The following NCR3LG1 variants were observed in gnomAD, a reference collection of about 807,000 sequenced individuals.
The protein encoded by NCR3LG1 is natural killer cell cytotoxicity receptor 3 ligand 1.
NCR3LG1 carries 35 observed loss-of-function variants against 34.8 expected under a neutral mutation model. The observed-to-expected ratio is 1.01, with a 90% CI of 0.77 to 1.33. The LOEUF (loss-of-function observed/expected upper bound fraction) is 1.33. Ranked by LOEUF, NCR3LG1 falls within the 40% of genes most tolerant of loss-of-function variation. The probability of loss-of-function intolerance (pLI) is 0.00; values close to 1 mark genes in which losing one functional copy is unlikely to be tolerated. For missense variants in NCR3LG1, 452 were observed against 423.3 expected (o/e 1.07, Z -0.60); for synonymous variants, 173 against 163.6 (o/e 1.06, Z -0.44).
chr11:17,358,531 C>A (rs967501475), intron 2 of NCR3LG1, among the ~76,000 whole-genome samples: 1 of 152,122 alleles, frequency 6.6e-6, no homozygotes, highest in African/African-American at 2.4e-5. Context: ...TGACCTTGAC[C>A]ATCTAGTTGA....
Position 17,356,742 on chromosome 11 carries a change from A to G in NCR3LG1, c.162A>G (p.Gln54=), listed in dbSNP as rs937098124. ...VTIFCNIFYS[Q]PLNITSMGIT... is the part of the protein sequence containing the mutation. ...TATTCTGCAATATCTTTTATTCCCAACCCCTCAACATCACGTCTATGGGTA... is the reference window on the plus strand; with the variant it reads ...TATTCTGCAATATCTTTTATTCCCAGCCCCTCAACATCACGTCTATGGGTA... Residue 54 remains glutamine (Q), a synonymous_variant, in exon 2 of 5, where the codon CAA becomes CAG. Coordinates refer to ENST00000338965, the MANE Select transcript of NCR3LG1 (RefSeq NM_001202439.3). 7 of 1,536,358 alleles carry G rather than the reference A, an allele frequency of 4.6e-6. No individual in the cohort carries two copies. The South Asian group carries it at 5.9e-5, about 13-fold the overall frequency.
downstream of NCR3LG1, among the ~76,000 whole-genome samples, chr11:17,378,549 G>A (rs933752632): frequency 6.6e-6 from 1 of 152,088 alleles, no homozygotes; most frequent in African/African-American, 2.4e-5. Flanking sequence ...CATTCTTCTG[G>A]GGACCCTTAG....
chr11:17,378,135 A>G (rs937641259), downstream of NCR3LG1, among the ~76,000 whole-genome samples: 1 of 152,176 alleles, frequency 6.6e-6, no homozygotes, highest in African/African-American at 2.4e-5. Flanking sequence ...AACAATTCAT[A>G]AACTCTTTAG....
chr11:17,364,000 T>C (rs1306277063), intron 2 of NCR3LG1, among the ~76,000 whole-genome samples: 2 of 152,182 alleles, frequency 1.3e-5, no homozygotes, highest in Non-Finnish European at 2.9e-5. Context: ...GGTCTTTAGT[T>C]TGGTGTCTAT....
intron 1 of NCR3LG1, among the ~76,000 whole-genome samples, chr11:17,352,871 G>A (rs1953155013): frequency 6.6e-6 from 1 of 151,946 alleles, no homozygotes. Context: ...AGGCTGAAAC[G>A]CGTATGTAGA....
In NCR3LG1 at chr11:17,362,737, TTTCTTTCTTTCTTTC is replaced by T. The variant is rs1564856477; in HGVS notation, c.422-4269_422-4255del. ...CTTTCTTTCTTTCTTTCTTTCTTTC[TTTCTTTCTTTCTTTC>T]TTTCTTTCTTTCTTTCCTTCCTTCC... On this transcript the variant is annotated intron_variant, in intron 2 of 4. Coordinates refer to ENST00000338965, the MANE Select transcript of NCR3LG1 (RefSeq NM_001202439.3). Among the ~76,000 whole-genome samples, 507 of 91,498 alleles carry T rather than the reference TTTCTTTCTTTCTTTC, an allele frequency of 5.5e-3. 40 individuals carry two copies. Among genetic ancestry groups the T allele is most frequent in the African/African-American group, 0.031 (481 of 15,502 alleles). The allele number at this position is 91,498 out of a possible 152,430, so 60.0% of individuals were successfully genotyped here.
chr11:17,377,563 A>G (rs1459584169), downstream of NCR3LG1, among the ~76,000 whole-genome samples: 3 of 152,214 alleles, frequency 2.0e-5, no homozygotes, highest in East Asian at 5.8e-4. Flanking sequence ...TCCAAATGGC[A>G]TCGTGAGTGA....
At chr11:17,352,654 G>C (rs948955282) in intron 1 of NCR3LG1, among the ~76,000 whole-genome samples, 13 of 152,176 alleles carry the variant, frequency 8.5e-5, no homozygotes, top group Non-Finnish European at 1.8e-4. Flanking sequence ...CATCCGAGGG[G>C]CCGGAGGAGA....
chr11:17,354,704 A>G (rs541633564), intron 1 of NCR3LG1, among the ~76,000 whole-genome samples: 3 of 152,070 alleles, frequency 2.0e-5, no homozygotes, highest in East Asian at 1.9e-4. Flanking sequence ...AGTTGACCCT[A>G]TCTTCATTTT....
chr11:17,370,441 A>T (rs1953393904), intron 4 of NCR3LG1, among the ~76,000 whole-genome samples: 1 of 152,130 alleles, frequency 6.6e-6, no homozygotes, highest in Non-Finnish European at 1.5e-5. Flanking sequence ...CTTTACTTTC[A>T]TTTCAGAGGC....
At chr11:17,354,973 G>A (rs1953188530) in intron 1 of NCR3LG1, among the ~76,000 whole-genome samples, 1 of 152,160 alleles carries the variant, frequency 6.6e-6, no homozygotes, top group South Asian at 2.1e-4. Context: ...GCTCTGCATT[G>A]TTAGTAATGA....
At chr11:17,380,382 C>A (rs1050641270), downstream of NCR3LG1, among the ~76,000 whole-genome samples, 1 of 152,190 alleles carries the variant, frequency 6.6e-6, no homozygotes, top group Non-Finnish European at 1.5e-5. Context: ...ATACCATCCT[C>A]TCCAGGGTTG....
At chr11:17,378,156 T>C (rs920335154), downstream of NCR3LG1, among the ~76,000 whole-genome samples, 1 of 152,154 alleles carries the variant, frequency 6.6e-6, no homozygotes, top group Non-Finnish European at 1.5e-5. Context: ...CCTCAGTAGT[T>C]ATGCAAAATA....
intron 4 of NCR3LG1, among the ~76,000 whole-genome samples, chr11:17,371,771 C>G (rs1227934249): frequency 3.3e-5 from 5 of 152,196 alleles, no homozygotes; most frequent in Non-Finnish European, 7.3e-5. Flanking sequence ...GTCTAGGAAA[C>G]CAGCAGGGCA....
chr11:17,380,833 G>A (rs775261344), downstream of NCR3LG1: 3 of 152,150 alleles, frequency 2.0e-5, no homozygotes, highest in Non-Finnish European at 4.4e-5. Flanking sequence ...AAATGTATAT[G>A]TAAACATTTA....
chr11:17,380,943 A>T (rs886101469), downstream of NCR3LG1: 1 of 152,230 alleles, frequency 6.6e-6, no homozygotes, highest in East Asian at 1.9e-4. Context: ...TTCTTATAGC[A>T]GTTAGCCTAT....
At chr11:17,352,767 A>G (rs1429468811) in intron 1 of NCR3LG1, among the ~76,000 whole-genome samples, 1 of 151,320 alleles carries the variant, frequency 6.6e-6, no homozygotes, top group Non-Finnish European at 1.5e-5. Flanking sequence ...GAGGGAGGGG[A>G]GTGTTTTGAT....
At chr11:17,362,234 A>AT (rs1207774066) in intron 2 of NCR3LG1, among the ~76,000 whole-genome samples, 19 of 152,058 alleles carry the variant, frequency 1.2e-4, no homozygotes, top group Non-Finnish European at 7.4e-5. Flanking sequence ...TGATCATATA[A>AT]TTTTTTCTTT....
At chr11:17,363,396 C>G (rs1437995138) in intron 2 of NCR3LG1, among the ~76,000 whole-genome samples, 1 of 152,096 alleles carries the variant, frequency 6.6e-6, no homozygotes, top group South Asian at 2.1e-4. Context: ...TTTCACTTCA[C>G]TCTCTCCTTG....
Sources: gnomAD v4.1 joint callset for allele counts (sites outside exome capture counted in the v4.1 genomes callset) on GRCh38, gnomAD v4.1.1 for gene constraint, MANE v1.5 for transcripts, NCBI Gene and HGNC (gene_info 2026-07-23, HGNC 2026-07-21) for gene names.